The following NKAIN2 variants were observed in gnomAD, a reference collection of about 807,000 sequenced individuals.
The protein encoded by NKAIN2 is sodium/potassium-transporting ATPase subunit beta-1-interacting protein 2.
Under a neutral mutation model 32.6 loss-of-function variants are expected in NKAIN2, and 14 were observed. The ratio of observed to expected loss-of-function variants is 0.43; its 90% confidence interval spans 0.28 to 0.67. The LOEUF (loss-of-function observed/expected upper bound fraction) is 0.67, where lower values mean the gene tolerates loss of function less well. Among genes scored for constraint, NKAIN2 ranks in the 30% least tolerant of loss-of-function variants. The pLI is 0.17. For missense variants in NKAIN2, 198 were observed against 258.3 expected, an observed-to-expected ratio of 0.77 and a Z score of 1.60; for synonymous variants, 80 against 87.2, an observed-to-expected ratio of 0.92 and a Z score of 0.46.
At chr6:124,565,275 C>T (rs998972063) in intron 3 of NKAIN2, among the ~76,000 whole-genome samples, 2 of 152,172 alleles carry the variant, frequency 1.3e-5, no homozygotes, top group Admixed American at 6.5e-5. Context: ...GATTGGACAA[C>T]AACCACAATG....
chr6:124,313,641 G>A (rs1175791683), intron 2 of NKAIN2, among the ~76,000 whole-genome samples: 1 of 151,994 alleles, frequency 6.6e-6, no homozygotes. Context: ...GGTAAAAGAG[G>A]TAAACTCCTC....
rs940602072 is a variant in NKAIN2, at chr6:124,192,715, G to T, written c.55-90290G>T. Among the ~76,000 whole-genome samples the T allele has an allele frequency of 7.0e-4, 81 of 115,556 alleles. 1 individual carries two copies. The highest frequency in any genetic ancestry group is 6.9e-3 in the Admixed American group (81 of 11,708). 75.8% of individuals were successfully genotyped at this position (115,556 alleles called of 152,430 possible). A position where few individuals can be genotyped will look rare whatever the true frequency, so the allele number is the denominator to read the frequency against. The stretch of plus-strand genomic sequence containing the variant: ...TTTTAATACTACCAATTGTGGTGTT[G>T]TCTATTTCTCTCCTTAGTTCCATCC... On this transcript the variant is annotated intron_variant, in intron 1 of 6. Coordinates refer to ENST00000368417, the MANE Select transcript of NKAIN2 (RefSeq NM_001040214.3).
intron 1 of NKAIN2, among the ~76,000 whole-genome samples, chr6:123,979,430 A>G (rs969630572): frequency 6.6e-6 from 1 of 152,264 alleles, no homozygotes; most frequent in East Asian, 1.9e-4. Flanking sequence ...ACTGGTTCTA[A>G]GAGTTCTTGG....
chr6:124,388,810 T>C (rs1773023273), intron 3 of NKAIN2, among the ~76,000 whole-genome samples: 1 of 152,040 alleles, frequency 6.6e-6, no homozygotes, highest in African/African-American at 2.4e-5. Flanking sequence ...AAGTATGCCT[T>C]GTATAGTCTA....
Position 124,127,111 on chromosome 6 carries a change from T to A in NKAIN2, c.55-155894T>A, listed in dbSNP as rs139125787. ...TGTTATATAAGTAAGTTCTGAATTATGTGTTATAGACTTAACATTTGGGCA... is the reference window on the plus strand; with the variant it reads ...TGTTATATAAGTAAGTTCTGAATTAAGTGTTATAGACTTAACATTTGGGCA... On this transcript the variant is annotated intron_variant, in intron 1 of 6. Transcript: ENST00000368417. 7.9e-3 allele frequency among the ~76,000 whole-genome samples: 1,202 copies of A among 152,304 alleles called. 17 individuals are homozygous for A. Among genetic ancestry groups the A allele is most frequent in the African/African-American group, 0.028 (1,160 of 41,570 alleles).
chr6:124,300,029 C>T lies in NKAIN2; in HGVS notation c.192+16887C>T, dbSNP rs180940901. ...GGCAGAGTTGGGTGACCCAGCATCA[C>T]CTGGAAATGTCACCAACAAATGTTG... On this transcript the variant is annotated intron_variant, in intron 2 of 6. Coordinates refer to ENST00000368417, the MANE Select transcript of NKAIN2 (RefSeq NM_001040214.3). 2.0e-5 allele frequency among the ~76,000 whole-genome samples: 3 copies of T among 152,226 alleles called. No homozygotes were observed. In the East Asian group the frequency reaches 5.8e-4, roughly 30 times the overall value.
chr6:124,567,711 G>C (rs1442573488), intron 3 of NKAIN2, among the ~76,000 whole-genome samples: 1 of 152,222 alleles, frequency 6.6e-6, no homozygotes, highest in Admixed American at 6.5e-5. Flanking sequence ...TAGACCAAGG[G>C]TCTGCAAACC....
At chr6:124,755,488 C>A (rs141520771) in intron 4 of NKAIN2, among the ~76,000 whole-genome samples, 2 of 152,160 alleles carry the variant, frequency 1.3e-5, no homozygotes, top group African/African-American at 4.8e-5. Context: ...AAGTTGACAT[C>A]TAATATTAAC....
At chr6:124,122,215 A>C (rs750567232) in intron 1 of NKAIN2, among the ~76,000 whole-genome samples, 21 of 152,228 alleles carry the variant, frequency 1.4e-4, no homozygotes, top group Non-Finnish European at 2.1e-4. Context: ...TGAACTGTCC[A>C]TTCGTCTGCT....
Position 124,648,484 on chromosome 6 carries a change from T to A in NKAIN2, c.274-9702T>A, listed in dbSNP as rs1784255146. On this transcript the variant is annotated intron_variant, in intron 3 of 6. Transcript: ENST00000368417. ...TATTGAGGAAGAAATCTCTTTAAAG[T>A]TTAGTCGAGCTGATAGGAACATTAA... Among the ~76,000 whole-genome samples the A allele has an allele frequency of 1.3e-5, 2 of 152,108 alleles. 1 individual carries two copies. Among genetic ancestry groups the A allele is most frequent in the South Asian group, 4.1e-4 (2 of 4,824 alleles).
At chr6:124,278,943 C>A (rs1795167656) in intron 1 of NKAIN2, among the ~76,000 whole-genome samples, 1 of 151,822 alleles carries the variant, frequency 6.6e-6, no homozygotes, top group South Asian at 2.1e-4. Context: ...TGAGGTAGAT[C>A]TATTAATGCA....
intron 1 of NKAIN2, among the ~76,000 whole-genome samples, chr6:124,062,696 G>A (rs535166840): frequency 2.2e-4 from 34 of 152,228 alleles, no homozygotes; most frequent in African/African-American, 7.5e-4. Flanking sequence ...ATACAGGCGT[G>A]AGCCACCATA....
In NKAIN2 at chr6:124,617,804, G is replaced by T. The variant is rs374712650; in HGVS notation, c.274-40382G>T. On this transcript the variant is annotated intron_variant, in intron 3 of 6. Coordinates refer to ENST00000368417, the MANE Select transcript of NKAIN2 (RefSeq NM_001040214.3). ...TACGTATTAGAAGCATTGTATAGAG[G>T]TAACATATTAATTAAAATTAGTTTG... 5.3e-5 allele frequency among the ~76,000 whole-genome samples: 8 copies of T among 152,152 alleles called. No homozygotes were observed. In the East Asian group the frequency reaches 1.5e-3, roughly 29 times the overall value.
chr6:124,484,577 A>G (rs958192228), intron 3 of NKAIN2, among the ~76,000 whole-genome samples: 1 of 152,174 alleles, frequency 6.6e-6, no homozygotes, highest in African/African-American at 2.4e-5. Context: ...AATTATGACA[A>G]TTTAATTTCT....
At chr6:124,687,664 C>CAT (rs1489085691) in intron 4 of NKAIN2, among the ~76,000 whole-genome samples, 1 of 1,808 alleles carries the variant, frequency 5.5e-4, no homozygotes, top group Non-Finnish European at 1.4e-3. Flanking sequence ...GAGAATATAC[C>CAT]ATATATATAT....
At chr6:124,343,603 GT>G (rs1234531381) in intron 2 of NKAIN2, among the ~76,000 whole-genome samples, 2 of 151,836 alleles carry the variant, frequency 1.3e-5, no homozygotes, top group Non-Finnish European at 2.9e-5. Flanking sequence ...ATGTTTTCAT[GT>G]GTCTTTTGGC....
At chr6:124,195,884 G>GT (rs752455904) in intron 1 of NKAIN2, among the ~76,000 whole-genome samples, 20 of 151,942 alleles carry the variant, frequency 1.3e-4, no homozygotes, top group Non-Finnish European at 2.8e-4. Context: ...GTTGCCTCAA[G>GT]TACCCCTTTT....
At chr6:124,034,189 A>C (rs1781515146) in intron 1 of NKAIN2, among the ~76,000 whole-genome samples, 2 of 152,038 alleles carry the variant, frequency 1.3e-5, no homozygotes, top group Non-Finnish European at 2.9e-5. Context: ...AGGGTGCACC[A>C]TGTAATGCTG....
chr6:124,457,065 T>C lies in NKAIN2; in HGVS notation c.273+101718T>C, dbSNP rs935892295. Among the ~76,000 whole-genome samples the C allele has an allele frequency of 2.6e-5, 4 of 151,880 alleles. No homozygotes were observed. The South Asian group carries it at 6.2e-4, about 24-fold the overall frequency. ...ATTTACAATTCTGGATCAGGGTAAG[T>C]TGCAACTCCCTGAAGCACCTGCTCT... On this transcript the variant is annotated intron_variant, in intron 3 of 6. Coordinates refer to ENST00000368417, the MANE Select transcript of NKAIN2 (RefSeq NM_001040214.3).
Sources: allele counts gnomAD v4.1 joint callset (sites outside exome capture counted in the v4.1 genomes callset), GRCh38; gene constraint gnomAD v4.1.1; transcripts MANE v1.5; gene names NCBI Gene and HGNC (gene_info 2026-07-23, HGNC 2026-07-21).